SPAG17: variants seen among roughly 807,000 people sequenced by gnomAD.
The protein encoded by SPAG17 is sperm-associated antigen 17.
A neutral mutation model predicts 273.6 loss-of-function variants in SPAG17; 169 were observed. The ratio of observed to expected loss-of-function variants is 0.62; its 90% confidence interval spans 0.55 to 0.70. SPAG17 has a LOEUF of 0.70. Among genes scored for constraint, SPAG17 ranks in the 30% least tolerant of loss-of-function variants. The pLI is 0.00. For synonymous variants in SPAG17, 825 were observed against 873.2 expected (o/e 0.94, Z 0.97); for missense variants, 2,557 against 2,627.8 (o/e 0.97, Z 0.59).
rs552083805 is a variant in SPAG17 at position 118,156,511 on chromosome 1, G to A, written c.88-5142C>T. Reference sequence around the variant, plus strand: ...CTGATCTAACATGGTCCATACCAGGGGTCAGTAACAATGGTTTGGGAATTG... The same window carrying A: ...CTGATCTAACATGGTCCATACCAGGAGTCAGTAACAATGGTTTGGGAATTG... On this transcript the variant is annotated intron_variant, in intron 1 of 48. Coordinates refer to ENST00000336338, the MANE Select transcript of SPAG17 (RefSeq NM_206996.4). Among the ~76,000 whole-genome samples the A allele has an allele frequency of 5.9e-5, 9 of 152,256 alleles. No individual in the cohort carries two copies. The South Asian group carries it at 1.9e-3, about 32-fold the overall frequency.
chr1:118,130,654 C>A (rs1323234146), intron 3 of SPAG17, among the ~76,000 whole-genome samples: 1 of 152,158 alleles, frequency 6.6e-6, no homozygotes, highest in African/African-American at 2.4e-5. Context: ...CTTCCCAGAG[C>A]CTCATGTTCA....
At chr1:117,966,470 G>T (rs949679379) in intron 47 of SPAG17, 139 bp downstream of exon 47, 2 of 834,148 alleles carry the variant, frequency 2.4e-6, no homozygotes, top group Non-Finnish European at 3.5e-6. Context: ...GAATGAAGAT[G>T]CTCTTTGTCT....
chr1:118,064,070 A>G (rs1013513247), intron 18 of SPAG17, among the ~76,000 whole-genome samples: 3 of 152,202 alleles, frequency 2.0e-5, no homozygotes, highest in African/African-American at 7.2e-5. Flanking sequence ...GGCCATCATT[A>G]AAAAGTCAGG....
intron 18 of SPAG17, among the ~76,000 whole-genome samples, chr1:118,061,120 C>A (rs1652246383): frequency 6.6e-6 from 1 of 152,124 alleles, no homozygotes; most frequent in Non-Finnish European, 1.5e-5. Context: ...TAGAAAGGTG[C>A]AGCCACTATG....
At chr1:118,025,203 C>T (rs758181731) in intron 27 of SPAG17, 35 bp downstream of exon 27, 2 of 1,604,740 alleles carry the variant, frequency 1.2e-6, no homozygotes, top group African/African-American at 2.7e-5. Context: ...TACTTTGGAA[C>T]AGGGAAGAAT....
chr1:118,127,546 A>G (rs1181296965), intron 3 of SPAG17, among the ~76,000 whole-genome samples: 4 of 151,854 alleles, frequency 2.6e-5, no homozygotes, highest in African/African-American at 9.7e-5. Flanking sequence ...TGATCCAAAC[A>G]CCTCTCACCA....
intron 18 of SPAG17, among the ~76,000 whole-genome samples, chr1:118,063,072 A>G (rs1469484709): frequency 2.0e-5 from 3 of 152,244 alleles, no homozygotes; most frequent in African/African-American, 7.2e-5. Flanking sequence ...CCAGTGCTCA[A>G]TGAAATAAAA....
At chr1:118,039,502 C>T (rs1007855861) in intron 22 of SPAG17, 58 bp from the exon 23 acceptor site, 2 of 1,544,620 alleles carry the variant, frequency 1.3e-6, no homozygotes, top group Non-Finnish European at 1.8e-6. Context: ...TTAAGCTCCT[C>T]GACAAGATGG....
chr1:118,149,684 C>A (rs745456954), intron 3 of SPAG17, among the ~76,000 whole-genome samples: 6 of 152,034 alleles, frequency 3.9e-5, no homozygotes, highest in Non-Finnish European at 8.8e-5. Flanking sequence ...CTAAATAGAC[C>A]GTATGTAATC....
chr1:118,146,042 C>T (rs995956556), intron 3 of SPAG17, among the ~76,000 whole-genome samples: 2 of 152,076 alleles, frequency 1.3e-5, no homozygotes, highest in Admixed American at 6.6e-5. Context: ...TGAAAAGAAA[C>T]ATGAAGTGGA....
chr1:117,991,379 A>G (rs370568159), intron 37 of SPAG17, 36 bp downstream of exon 37: 2 of 1,237,824 alleles, frequency 1.6e-6, no homozygotes, highest in Non-Finnish European at 2.3e-6. Flanking sequence ...TATTGAAACA[A>G]TAGTAAGAAC....
intron 3 of SPAG17, among the ~76,000 whole-genome samples, chr1:118,143,283 T>G (rs775941892): frequency 2.0e-5 from 3 of 152,212 alleles, no homozygotes; most frequent in Non-Finnish European, 4.4e-5. Context: ...TTCCAGAATT[T>G]AAACTATTTA....
At chr1:118,177,654 T>C (rs1660756566) in intron 1 of SPAG17, among the ~76,000 whole-genome samples, 1 of 151,956 alleles carries the variant, frequency 6.6e-6, no homozygotes, top group Non-Finnish European at 1.5e-5. Context: ...TTTGAAAAGA[T>C]AAACAAATTG....
chr1:118,109,778 A>G (rs574885249), intron 4 of SPAG17, among the ~76,000 whole-genome samples: 2 of 152,160 alleles, frequency 1.3e-5, no homozygotes, highest in East Asian at 3.9e-4. Flanking sequence ...ATATCACCCT[A>G]TCTCATAAAC....
intron 31 of SPAG17, among the ~76,000 whole-genome samples, chr1:118,006,002 C>T (rs1054342701): frequency 4.6e-5 from 7 of 152,034 alleles, no homozygotes; most frequent in Non-Finnish European, 8.8e-5. Context: ...TAAAACTGTG[C>T]GATAAGTGCT....
intron 3 of SPAG17, among the ~76,000 whole-genome samples, chr1:118,145,493 T>C (rs1047707155): frequency 6.6e-6 from 1 of 152,208 alleles, no homozygotes; most frequent in Non-Finnish European, 1.5e-5. Context: ...TCTTAAAGTA[T>C]GGTGAAATGC....
At position 117,973,660 on chromosome 1, in the gene SPAG17, CTT is replaced by C. The variant is rs1200986489; in HGVS notation, c.6005-101_6005-100del. 4.2e-6 allele frequency: 5 copies of C among 1,203,258 alleles called. No individual in the cohort carries two copies. In the South Asian group the frequency reaches 7.9e-5, roughly 19 times the overall value. The allele number at this position is 1,203,258 out of a possible 1,614,324, so 74.5% of individuals were successfully genotyped here. A position where few individuals can be genotyped will look rare whatever the true frequency, so the allele number is the denominator to read the frequency against. On this transcript the variant is annotated intron_variant, in intron 43 of 48. Coordinates refer to ENST00000336338, the MANE Select transcript of SPAG17 (RefSeq NM_206996.4). ...ATGACAACAGAAACCAACTTGGAAA[CTT>C]TTTTTCTTTGCTTTTCAAAGAGCTT...
At chr1:118,083,518 G>A (rs999485442) in intron 13 of SPAG17, among the ~76,000 whole-genome samples, 1 of 152,000 alleles carries the variant, frequency 6.6e-6, no homozygotes, top group Non-Finnish European at 1.5e-5. Context: ...GGGGCGCGGT[G>A]GCTCGCTCCT....
intron 44 of SPAG17, among the ~76,000 whole-genome samples, chr1:117,972,302 C>T (rs1226363821): frequency 6.6e-6 from 1 of 152,244 alleles, no homozygotes; most frequent in African/African-American, 2.4e-5. Flanking sequence ...AAGATTCAGA[C>T]TCAAGTTTGC....
Sources: allele counts gnomAD v4.1 joint callset (sites outside exome capture counted in the v4.1 genomes callset), GRCh38; gene constraint gnomAD v4.1.1; transcripts MANE v1.5; gene names NCBI Gene and HGNC (gene_info 2026-07-23, HGNC 2026-07-21).